The following VWA8 variants were observed in gnomAD, a reference collection of about 807,000 sequenced individuals.
VWA8 encodes von Willebrand factor A domain containing 8.
VWA8 carries 221 observed loss-of-function variants against 241.5 expected under a neutral mutation model. The ratio of observed to expected loss-of-function variants is 0.91; its 90% CI spans 0.82 to 1.02. The LOEUF (loss-of-function observed/expected upper bound fraction) is 1.02. Ranked by LOEUF, VWA8 falls within the 50% of genes least tolerant of loss-of-function variation. The probability of loss-of-function intolerance (pLI) is 0.00; values close to 1 mark genes in which losing one functional copy is unlikely to be tolerated. For synonymous variants in VWA8, 852 were observed against 827.1 expected (o/e 1.03, Z -0.52); for missense variants, 2,322 against 2,328.7 (o/e 1.00, Z 0.06).
chr13:41,665,689 C>G, intron 37 of VWA8, among the ~76,000 whole-genome samples: 1 of 151,940 alleles, frequency 6.6e-6, no homozygotes, highest in Admixed American at 6.6e-5. Flanking sequence ...AGGTTTATAG[C>G]CAGTATATTG....
intron 24 of VWA8, among the ~76,000 whole-genome samples, chr13:41,721,889 C>T (rs2045395506): frequency 6.6e-6 from 1 of 152,188 alleles, no homozygotes; most frequent in South Asian, 2.1e-4. Flanking sequence ...AATGCCACTC[C>T]CTCCCCAAAA....
chr13:41,864,169 G>A (rs73185322), intron 12 of VWA8, among the ~76,000 whole-genome samples: 36,633 of 150,436 alleles, frequency 0.24, 5,229 homozygotes, highest in Non-Finnish European at 0.31. Flanking sequence ...AGAAAGAAAA[G>A]TGTTAGGGAG....
chr13:41,727,160 C>T, intron 24 of VWA8, 34 bp downstream of exon 24: 1 of 1,459,748 alleles, frequency 6.9e-7, no homozygotes, highest in South Asian at 1.3e-5. Context: ...ATTATTACTG[C>T]TATTGGTATT....
intron 12 of VWA8, among the ~76,000 whole-genome samples, chr13:41,863,471 A>T (rs1388367378): frequency 1.4e-5 from 2 of 140,520 alleles, no homozygotes; most frequent in East Asian, 2.1e-4. Flanking sequence ...ACACACACAC[A>T]CTATATATAT....
chr13:41,745,586 G>A (rs750144749), intron 21 of VWA8, among the ~76,000 whole-genome samples: 12 of 152,038 alleles, frequency 7.9e-5, no homozygotes, highest in East Asian at 1.9e-4. Flanking sequence ...ACATTTATGC[G>A]GCCAACAGAC....
chr13:41,793,462 T>C (rs985722199), intron 17 of VWA8, among the ~76,000 whole-genome samples: 9 of 152,120 alleles, frequency 5.9e-5, no homozygotes, highest in African/African-American at 2.2e-4. Context: ...ATTGAATGTG[T>C]CCTCCCTAAG....
At chr13:41,571,300 C>T (rs1439306704) in intron 43 of VWA8, among the ~76,000 whole-genome samples, 5 of 147,630 alleles carry the variant, frequency 3.4e-5, no homozygotes, top group Non-Finnish European at 7.5e-5. Context: ...TCTCCCGTCT[C>T]CCTCTCCCTC....
chr13:41,944,785 A>G (rs1444158847), intron 2 of VWA8, among the ~76,000 whole-genome samples: 1 of 152,218 alleles, frequency 6.6e-6, no homozygotes, highest in Non-Finnish European at 1.5e-5. Context: ...TGATGTACTC[A>G]GAGCTACTGT....
chr13:41,626,759 A>C (rs1252381129), intron 37 of VWA8, among the ~76,000 whole-genome samples: 2 of 152,244 alleles, frequency 1.3e-5, no homozygotes, highest in Non-Finnish European at 2.9e-5. Context: ...ACCACATACA[A>C]AAATCAATTC....
At chr13:41,882,194 T>A (rs975869144) in intron 9 of VWA8, among the ~76,000 whole-genome samples, 1 of 142,632 alleles carries the variant, frequency 7.0e-6, no homozygotes, top group Non-Finnish European at 1.5e-5. Context: ...TCTCCCCACA[T>A]CTCAGACGAT....
intron 36 of VWA8, among the ~76,000 whole-genome samples, chr13:41,674,321 G>A (rs562088462): frequency 6.6e-6 from 1 of 152,244 alleles, no homozygotes; most frequent in South Asian, 2.1e-4. Flanking sequence ...TGTTGTCCCT[G>A]GTCTTCCTCT....
intron 18 of VWA8, among the ~76,000 whole-genome samples, chr13:41,785,022 A>T (rs917789407): frequency 1.6e-4 from 24 of 151,876 alleles, no homozygotes; most frequent in Admixed American, 1.6e-3. Context: ...ATCAGGGAAC[A>T]TATCTGCTAT....
intron 29 of VWA8, among the ~76,000 whole-genome samples, chr13:41,698,284 T>C (rs2045227704): frequency 6.6e-6 from 1 of 151,976 alleles, no homozygotes. Context: ...CTTAGTGTAG[T>C]ACTTGGTATA....
intron 18 of VWA8, among the ~76,000 whole-genome samples, chr13:41,786,211 T>C (rs1275003165): frequency 6.6e-6 from 1 of 152,120 alleles, no homozygotes. Context: ...TATTCTGGTT[T>C]CTCTATATAT....
chr13:41,947,253 C>G (rs1877891221), intron 2 of VWA8, among the ~76,000 whole-genome samples: 1 of 152,138 alleles, frequency 6.6e-6, no homozygotes, highest in Non-Finnish European at 1.5e-5. Flanking sequence ...TAACAGAGCA[C>G]ATAGTCTAGT....
chr13:41,691,535 C>A, intron 31 of VWA8, 90 bp from the exon 32 acceptor site: 4 of 1,426,378 alleles, frequency 2.8e-6, no homozygotes, highest in South Asian at 3.0e-5. Flanking sequence ...CATTATGCAA[C>A]CCATAAAAAG....
intron 7 of VWA8, among the ~76,000 whole-genome samples, chr13:41,886,325 G>A (rs1413056246): frequency 2.6e-5 from 4 of 151,526 alleles, no homozygotes; most frequent in African/African-American, 9.7e-5. Flanking sequence ...GCCTCCAAGA[G>A]TTTTTTATGG....
chr13:41,770,783 T>C (rs1323892492), intron 20 of VWA8, among the ~76,000 whole-genome samples: 3 of 151,484 alleles, frequency 2.0e-5, no homozygotes, highest in South Asian at 2.1e-4. Context: ...AAATATATAA[T>C]ATATTGGAGT....
chr13:41,783,792 T>C lies in VWA8; in HGVS notation c.2277+3A>G, dbSNP rs756392242. On this transcript the variant is annotated splice_donor_region_variant and intron_variant, in intron 19 of 44. Transcript: ENST00000379310. Reference sequence around the variant, plus strand: ...ATCCAAGAACACAAAGCAATACTCTTACCTGAATGTTGTCATAGAAAAGAA... The same window carrying C: ...ATCCAAGAACACAAAGCAATACTCTCACCTGAATGTTGTCATAGAAAAGAA... 1.2e-6 allele frequency: 2 copies of C among 1,607,686 alleles called. No homozygotes were observed. Among genetic ancestry groups the C allele is most frequent in the African/African-American group, 2.7e-5 (2 of 74,742 alleles).
Sources: gnomAD v4.1 joint callset for allele counts (sites outside exome capture counted in the v4.1 genomes callset) on GRCh38, gnomAD v4.1.1 for gene constraint, MANE v1.5 for transcripts, NCBI Gene and HGNC (gene_info 2026-07-23, HGNC 2026-07-21) for gene names.